The following GFAP variants were observed in gnomAD, a reference collection of about 807,000 sequenced individuals.
The protein encoded by GFAP is intermediate filament protein.
Under a neutral mutation model 49.3 loss-of-function variants are expected in GFAP, and 38 were observed. The observed-to-expected ratio is 0.77, with a 90% confidence interval of 0.60 to 1.01. The LOEUF (loss-of-function observed/expected upper bound fraction) is 1.01, where lower values mean the gene tolerates loss of function less well. Among genes scored for constraint, GFAP ranks in the 50% least tolerant of loss-of-function variants. GFAP has a pLI of 0.00. For synonymous variants in GFAP, 222 were observed against 236.4 expected, an observed-to-expected ratio of 0.94 and a Z score of 0.56; for missense variants, 463 against 579.1, an observed-to-expected ratio of 0.80 and a Z score of 2.06.
rs2051614123 is a variant in GFAP, at chr17:44,904,278, T to C, written c.*3069A>G. On this transcript the variant is annotated 3_prime_UTR_variant, in exon 9 of 9. Coordinates refer to ENST00000588735, the MANE Select transcript of GFAP (RefSeq NM_002055.5). ...AACAGTGAGGGAATGGTGGCCACTT[T>C]CCAGGACAAGGGCCAGGAGCCCTTT... is the stretch of plus-strand genomic sequence containing the variant. The C allele has an allele frequency of 6.5e-7, 1 of 1,550,128 alleles. No homozygotes were observed. The highest frequency in any genetic ancestry group is 8.7e-7 in the Non-Finnish European group (1 of 1,146,808).
chr17:44,913,698 T>C (rs1421617287), intron 3 of GFAP, 30 bp downstream of exon 3: 1 of 1,511,150 alleles, frequency 6.6e-7, no homozygotes, highest in Non-Finnish European at 9.2e-7. Context: ...ATCTCTGTGT[T>C]GAGCTTTCCT....
At chr17:44,908,570 C>A (rs1484182383) in intron 7 of GFAP, 1 of 157,014 alleles carries the variant, frequency 6.4e-6, no homozygotes, top group African/African-American at 2.4e-5. Flanking sequence ...ACTAAAAATA[C>A]AAAAAATAGG....
Position 44,903,954 on chromosome 17 carries a change from C to A in GFAP, c.*3393G>T. On this transcript the variant is annotated 3_prime_UTR_variant, in exon 9 of 9. Transcript: ENST00000588735. Reference sequence around the variant, plus strand: ...GCTTTCCTGATGTTTGAAAATGCAGCCTACCTGGCCGACATGAGCTTTGAG... The same window carrying A: ...GCTTTCCTGATGTTTGAAAATGCAGACTACCTGGCCGACATGAGCTTTGAG... 1 of 1,550,610 alleles carries A rather than the reference C, an allele frequency of 6.4e-7. No homozygotes were observed. The highest frequency in any genetic ancestry group is 8.7e-7 in the Non-Finnish European group (1 of 1,147,006).
intron 3 of GFAP, 109 bp downstream of exon 3, chr17:44,913,619 C>T (rs1177804703): frequency 8.6e-6 from 9 of 1,047,014 alleles, no homozygotes; most frequent in Non-Finnish European, 1.4e-5. Flanking sequence ...ATCTCTGTTT[C>T]TCTCCTCTCT....
chr17:44,907,994 TC>T, intron 8 of GFAP, 69 bp downstream of exon 8: 2 of 1,078,464 alleles, frequency 1.9e-6, no homozygotes, highest in Non-Finnish European at 2.9e-6. Context: ...CCCCAGGCTT[TC>T]CTCCATGGCC....
Position 44,906,511 on chromosome 17 carries a change from A to C in GFAP, c.*836T>G, listed in dbSNP as rs2051654414. The C allele has an allele frequency of 6.6e-6, 1 of 152,438 alleles. No individual in the cohort carries two copies. Among genetic ancestry groups the C allele is most frequent in the Admixed American group, 6.5e-5 (1 of 15,290 alleles). 9.4% of individuals were successfully genotyped at this position (152,438 alleles called of 1,614,324 possible). On this transcript the variant is annotated 3_prime_UTR_variant, in exon 9 of 9. Transcript: ENST00000588735. ...TCTCCACGTACACAACAGATCCCCC[A>C]AGTGCTGAGAATCAAGCTCCCACCT... is the stretch of plus-strand genomic sequence containing the variant.
Position 44,905,073 on chromosome 17 carries a change from A to T in GFAP, c.*2274T>A, listed in dbSNP as rs1470284712. 3 of 1,521,740 alleles carry T rather than the reference A, an allele frequency of 2.0e-6. No homozygotes were observed. The highest frequency in any genetic ancestry group is 2.7e-6 in the Non-Finnish European group (3 of 1,128,346). 94.3% of individuals were successfully genotyped at this position (1,521,740 alleles called of 1,614,324 possible). A position where few individuals can be genotyped will look rare whatever the true frequency, so the allele number is the denominator to read the frequency against. On this transcript the variant is annotated 3_prime_UTR_variant, in exon 9 of 9. Coordinates refer to ENST00000588735, the MANE Select transcript of GFAP (RefSeq NM_002055.5). ...TGTTGTCCCAGCTTCTCCCCCTAGGAGCTCTCTTCAGCTCTGAAGACCAGT... is the reference window on the plus strand; with the variant it reads ...TGTTGTCCCAGCTTCTCCCCCTAGGTGCTCTCTTCAGCTCTGAAGACCAGT...
chr17:44,904,981 C>G lies in GFAP; in HGVS notation c.*2366G>C. The G allele has an allele frequency of 6.4e-7, 1 of 1,550,816 alleles. No individual in the cohort carries two copies. The highest frequency in any genetic ancestry group is 8.7e-7 in the Non-Finnish European group (1 of 1,147,042). ...CGGCTGTGGAGCTCACCCTGATAGG[C>G]TACCTGCTCATCACAGCAGTCTTTG... On this transcript the variant is annotated 3_prime_UTR_variant, in exon 9 of 9. Coordinates refer to ENST00000588735, the MANE Select transcript of GFAP (RefSeq NM_002055.5).
Position 44,904,170 on chromosome 17 carries a change from G to C in GFAP, c.*3177C>G, listed in dbSNP as rs2051611186. The stretch of plus-strand genomic sequence containing the variant: ...CGCATGTTCAGCTTGTTGGTTTTCA[G>C]GGCTCAGTCTGAGGACTCAGGCCTG... On this transcript the variant is annotated 3_prime_UTR_variant, in exon 9 of 9. Coordinates refer to ENST00000588735, the MANE Select transcript of GFAP (RefSeq NM_002055.5). 6.5e-7 allele frequency: 1 copy of C among 1,550,254 alleles called. No individual in the cohort carries two copies.
At chr17:44,913,683 T>A (rs192516683) in intron 3 of GFAP, 45 bp downstream of exon 3, 395 of 1,389,400 alleles carry the variant, frequency 2.8e-4, no homozygotes, top group Middle Eastern at 2.3e-3. Context: ...CCTCTCTCAG[T>A]TGCAATCTCT....
Position 44,904,208 on chromosome 17 carries a change from A to C in GFAP, c.*3139T>G, listed in dbSNP as rs561955166. The C allele has an allele frequency of 1.9e-6, 3 of 1,550,506 alleles. No homozygotes were observed. In the African/African-American group the frequency reaches 4.1e-5, roughly 21 times the overall value. The stretch of plus-strand genomic sequence containing the variant: ...GGACTCAGGCCTGTACTTCTGCGGC[A>C]CCCGCAAGGGGGACTACTTTTACGC... On this transcript the variant is annotated 3_prime_UTR_variant, in exon 9 of 9. Coordinates refer to ENST00000588735, the MANE Select transcript of GFAP (RefSeq NM_002055.5).
Position 44,904,341 on chromosome 17 carries a change from C to A in GFAP, c.*3006G>T. ...TATGGGCACCTCCATGTCTTCACCA[C>A]CTTCTGGGAATGGACCCCCTGTGAC... On this transcript the variant is annotated 3_prime_UTR_variant, in exon 9 of 9. Coordinates refer to ENST00000588735, the MANE Select transcript of GFAP (RefSeq NM_002055.5). 1 of 1,542,096 alleles carries A rather than the reference C, an allele frequency of 6.5e-7. No homozygotes were observed. Among genetic ancestry groups the A allele is most frequent in the South Asian group, 1.2e-5 (1 of 83,090 alleles).
chr17:44,910,520 G>T (rs1435081072), intron 7 of GFAP, 95 bp downstream of exon 7: 4 of 1,552,788 alleles, frequency 2.6e-6, no homozygotes, highest in Admixed American at 3.9e-5. Flanking sequence ...GGATCCCTTT[G>T]CCCTGATCCT....
chr17:44,913,848 G>A (rs2051838125), intron 2 of GFAP, 25 bp from the exon 3 acceptor site: 1 of 1,589,442 alleles, frequency 6.3e-7, no homozygotes, highest in African/African-American at 1.3e-5. Context: ...GGGGTGAGGA[G>A]TAGAGGGCCA....
chr17:44,908,245 A>G, intron 7 of GFAP, 96 bp from the exon 8 acceptor site: 2 of 838,656 alleles, frequency 2.4e-6, no homozygotes. Context: ...CCTCCCCATC[A>G]TGAGTATGAG....
intron 2 of GFAP, 82 bp downstream of exon 2, chr17:44,913,946 G>T: frequency 7.7e-7 from 1 of 1,301,132 alleles, no homozygotes; most frequent in Non-Finnish European, 1.1e-6. Flanking sequence ...TGCTCTGGCG[G>T]GCTGAGCTTG....
Position 44,903,976 on chromosome 17 carries a change from T to C in GFAP, c.*3371A>G. 1.9e-6 allele frequency: 3 copies of C among 1,550,596 alleles called. No individual in the cohort carries two copies. Among genetic ancestry groups the C allele is most frequent in the Non-Finnish European group, 2.6e-6 (3 of 1,146,978 alleles). Reference sequence around the variant, plus strand: ...CAGCCTACCTGGCCGACATGAGCTTTGAGCTTCCCTGTCACTGCAAACCCG... The same window carrying C: ...CAGCCTACCTGGCCGACATGAGCTTCGAGCTTCCCTGTCACTGCAAACCCG... On this transcript the variant is annotated 3_prime_UTR_variant, in exon 9 of 9. Coordinates refer to ENST00000588735, the MANE Select transcript of GFAP (RefSeq NM_002055.5).
In GFAP at chr17:44,903,990, A is replaced by G; in HGVS notation, c.*3357T>C. 6.4e-7 allele frequency: 1 copy of G among 1,550,634 alleles called. No individual in the cohort carries two copies. Among genetic ancestry groups the G allele is most frequent in the Non-Finnish European group, 8.7e-7 (1 of 1,146,996 alleles). On this transcript the variant is annotated 3_prime_UTR_variant, in exon 9 of 9. Coordinates refer to ENST00000588735, the MANE Select transcript of GFAP (RefSeq NM_002055.5). The stretch of plus-strand genomic sequence containing the variant: ...GACATGAGCTTTGAGCTTCCCTGTC[A>G]CTGCAAACCCGAAGAGGTGCCAGCT...
Position 44,906,874 on chromosome 17 carries a change from G to T in GFAP, c.*473C>A, listed in dbSNP as rs936406526. ...GCCTCTGGCCAGGGCTACCTTGTCT[G>T]TGGGGCCTTCCCTTTCCTGTCTGAG... is the stretch of plus-strand genomic sequence containing the variant. On this transcript the variant is annotated 3_prime_UTR_variant, in exon 9 of 9. Coordinates refer to ENST00000588735, the MANE Select transcript of GFAP (RefSeq NM_002055.5). 9 of 236,938 alleles carry T rather than the reference G, an allele frequency of 3.8e-5. No individual in the cohort carries two copies. The highest frequency in any genetic ancestry group is 2.0e-4 in the African/African-American group (9 of 44,724). The allele number at this position is 236,938 out of a possible 1,614,324, so 14.7% of individuals were successfully genotyped here. A position where few individuals can be genotyped will look rare whatever the true frequency, so the allele number is the denominator to read the frequency against.
Sources: allele counts gnomAD v4.1 joint callset, GRCh38; gene constraint gnomAD v4.1.1; transcripts MANE v1.5; gene names NCBI Gene and HGNC (gene_info 2026-07-23, HGNC 2026-07-21).